The following PKIG variants were observed in gnomAD, a reference collection of about 807,000 sequenced individuals.
The protein encoded by PKIG is cAMP-dependent protein kinase inhibitor gamma.
Under a neutral mutation model 6.8 loss-of-function variants are expected in PKIG, and 1 was observed. The observed-to-expected ratio is 0.15, with a 90% CI of 0.05 to 0.69. PKIG has a LOEUF of 0.69. PKIG is among the 30% of genes least tolerant of loss of function. PKIG has a pLI of 0.82. For synonymous variants in PKIG, 39 were observed against 43.0 expected (o/e 0.91, Z 0.36); for missense variants, 77 against 104.0 (o/e 0.74, Z 1.13).
At chr20:44,550,217 CA>C (rs1036471096) in intron 1 of PKIG, among the ~76,000 whole-genome samples, 4 of 148,760 alleles carry the variant, frequency 2.7e-5, no homozygotes, top group African/African-American at 9.9e-5. Context: ...AAGGGGACTT[CA>C]AAAAATTCAT....
At chr20:44,592,562 A>G (rs1409404927) in intron 2 of PKIG, among the ~76,000 whole-genome samples, 1 of 152,184 alleles carries the variant, frequency 6.6e-6, no homozygotes, top group East Asian at 1.9e-4. Flanking sequence ...CTCATCTCCC[A>G]GGCTGCTTTC....
At chr20:44,562,503 G>A (rs1231317020) in intron 1 of PKIG, among the ~76,000 whole-genome samples, 1 of 151,184 alleles carries the variant, frequency 6.6e-6, no homozygotes, top group Non-Finnish European at 1.5e-5. Flanking sequence ...TCAGGATGCT[G>A]AGGTGGGAGG....
upstream of PKIG, chr20:44,582,567 A>C (rs141848121): frequency 6.6e-6 from 1 of 152,524 alleles, no homozygotes; most frequent in Non-Finnish European, 1.5e-5. Flanking sequence ...CTAAAACCTC[A>C]AAGTGCTTTT....
At chr20:44,581,620 T>C (rs528198655), upstream of PKIG, among the ~76,000 whole-genome samples, 9 of 152,366 alleles carry the variant, frequency 5.9e-5, 1 homozygote, top group East Asian at 3.9e-4. Context: ...AGGACACTTA[T>C]AGCCTGTTAC....
intron 1 of PKIG, among the ~76,000 whole-genome samples, chr20:44,539,787 T>A (rs1461035073): frequency 6.6e-6 from 1 of 152,128 alleles, no homozygotes; most frequent in Non-Finnish European, 1.5e-5. Context: ...CTTCTTCCAA[T>A]GTGGCCCAGG....
At chr20:44,586,887 C>G (rs1173251571) in intron 1 of PKIG, among the ~76,000 whole-genome samples, 1 of 152,184 alleles carries the variant, frequency 6.6e-6, no homozygotes. Context: ...TCCGCTCTTA[C>G]TGGAGGAAGC....
chr20:44,608,154 T>C (rs2065183891), intron 2 of PKIG, among the ~76,000 whole-genome samples: 1 of 152,154 alleles, frequency 6.6e-6, no homozygotes, highest in Admixed American at 6.5e-5. Flanking sequence ...TCTCTGTCCT[T>C]TTGGACCTTT....
intron 1 of PKIG, among the ~76,000 whole-genome samples, chr20:44,555,642 T>G (rs1392583674): frequency 1.3e-5 from 2 of 152,208 alleles, no homozygotes; most frequent in East Asian, 3.8e-4. Flanking sequence ...TGAAAATATT[T>G]CTTTCATCTT....
At chr20:44,574,543 G>A (rs1041873195) in intron 1 of PKIG, among the ~76,000 whole-genome samples, 9 of 152,006 alleles carry the variant, frequency 5.9e-5, no homozygotes, top group African/African-American at 2.2e-4. Context: ...CATTTTATCA[G>A]TAATTACTTC....
At chr20:44,537,774 C>G (rs985272906) in intron 1 of PKIG, among the ~76,000 whole-genome samples, 3 of 139,246 alleles carry the variant, frequency 2.2e-5, no homozygotes, top group African/African-American at 8.1e-5. Flanking sequence ...TTAGTAGAGA[C>G]AGGGTTTCAC....
intron 1 of PKIG, among the ~76,000 whole-genome samples, chr20:44,573,881 A>G (rs1194450967): frequency 6.6e-6 from 1 of 152,206 alleles, no homozygotes; most frequent in Non-Finnish European, 1.5e-5. Flanking sequence ...CAGTTTATAG[A>G]TGTAGAGATT....
intron 1 of PKIG, among the ~76,000 whole-genome samples, chr20:44,545,330 T>C (rs2064603631): frequency 6.6e-6 from 1 of 151,934 alleles, no homozygotes; most frequent in South Asian, 2.1e-4. Context: ...CCTGTTTAGT[T>C]TTATTATTGT....
chr20:44,562,628 T>TA (rs893942799), intron 1 of PKIG, among the ~76,000 whole-genome samples: 7 of 143,178 alleles, frequency 4.9e-5, no homozygotes, highest in Admixed American at 1.4e-4. Flanking sequence ...AAAGAGTGCT[T>TA]AAAAAAAAAG....
chr20:44,548,051 C>T (rs2064632371), intron 1 of PKIG, among the ~76,000 whole-genome samples: 1 of 151,944 alleles, frequency 6.6e-6, no homozygotes. Flanking sequence ...TGGTGTTGTG[C>T]ACCTGTAATC....
chr20:44,584,723 T>C (rs973437374), intron 1 of PKIG, among the ~76,000 whole-genome samples: 1 of 133,806 alleles, frequency 7.5e-6, no homozygotes, highest in Non-Finnish European at 1.6e-5. Flanking sequence ...TTGGCACTTC[T>C]TTTTTTTTTT....
At chr20:44,588,433 G>A (rs1297471153) in intron 1 of PKIG, among the ~76,000 whole-genome samples, 3 of 152,202 alleles carry the variant, frequency 2.0e-5, no homozygotes, top group Admixed American at 1.3e-4. Context: ...CCTGAGGTCA[G>A]TATTTCAAGA....
At chr20:44,604,120 G>A (rs577204598) in intron 2 of PKIG, among the ~76,000 whole-genome samples, 5 of 152,278 alleles carry the variant, frequency 3.3e-5, no homozygotes, top group East Asian at 1.9e-4. Flanking sequence ...ATGATGAAGC[G>A]TAACTGAGGC....
At chr20:44,615,099 A>T (rs1012584671) in intron 3 of PKIG, among the ~76,000 whole-genome samples, 4 of 151,352 alleles carry the variant, frequency 2.6e-5, no homozygotes, top group Non-Finnish European at 5.9e-5. Flanking sequence ...CAGCCAGCAG[A>T]CCCCATTTAA....
intron 2 of PKIG, among the ~76,000 whole-genome samples, chr20:44,593,750 T>C (rs1317641711): frequency 1.3e-5 from 2 of 152,184 alleles, no homozygotes; most frequent in African/African-American, 2.4e-5. Flanking sequence ...GAGTAGATCT[T>C]AAGTATTCTC....
Sources: gnomAD v4.1 joint callset for allele counts (sites outside exome capture counted in the v4.1 genomes callset) on GRCh38, gnomAD v4.1.1 for gene constraint, MANE v1.5 for transcripts, NCBI Gene and HGNC (gene_info 2026-07-23, HGNC 2026-07-21) for gene names.